Variants in RHOBTB1 observed in about 807,000 individuals in gnomAD.
The protein encoded by RHOBTB1 is Rho related BTB domain containing 1, also known as rho-related BTB domain-containing protein 1.
RHOBTB1 carries 40 observed loss-of-function variants against 71.6 expected under a neutral mutation model. That is an observed-to-expected ratio of 0.56 (90% CI 0.43 to 0.73). The LOEUF is 0.73. Ranked by LOEUF, RHOBTB1 falls within the 30% of genes least tolerant of loss-of-function variation. The probability of loss-of-function intolerance (pLI) is 0.00; values close to 1 mark genes in which losing one functional copy is unlikely to be tolerated. For missense variants in RHOBTB1, 797 were observed against 894.0 expected, an observed-to-expected ratio of 0.89 and a Z score of 1.38; for synonymous variants, 319 against 334.9, an observed-to-expected ratio of 0.95 and a Z score of 0.52.
intron 2 of RHOBTB1, among the ~76,000 whole-genome samples, chr10:60,938,187 T>C (rs1212870885): frequency 6.6e-6 from 1 of 152,242 alleles, no homozygotes; most frequent in Non-Finnish European, 1.5e-5. Context: ...AGGTTTCTCC[T>C]AGTACCCACC....
chr10:60,981,523 T>A (rs1024444078), intron 2 of RHOBTB1, among the ~76,000 whole-genome samples: 1 of 152,132 alleles, frequency 6.6e-6, no homozygotes, highest in African/African-American at 2.4e-5. Context: ...TAACCAAGAT[T>A]TTTTCCCCCT....
At chr10:60,946,583 C>G (rs1328537290), upstream of RHOBTB1, among the ~76,000 whole-genome samples, 1 of 152,158 alleles carries the variant, frequency 6.6e-6, no homozygotes, top group Non-Finnish European at 1.5e-5. Flanking sequence ...GCATTTGCAC[C>G]TGGGGTTGTC....
At chr10:60,915,444 GA>G (rs1036485033) in intron 2 of RHOBTB1, among the ~76,000 whole-genome samples, 33 of 146,242 alleles carry the variant, frequency 2.3e-4, no homozygotes, top group Admixed American at 1.2e-3. Flanking sequence ...AAGGTAGAAA[GA>G]AAAAAAAAAG....
chr10:60,922,879 T>C (rs577238898), intron 2 of RHOBTB1, among the ~76,000 whole-genome samples: 1 of 152,318 alleles, frequency 6.6e-6, no homozygotes, highest in Admixed American at 6.5e-5. Context: ...CTGGGGTTAA[T>C]CCAAGAAGGA....
At chr10:60,922,402 C>G (rs2083618460) in intron 2 of RHOBTB1, among the ~76,000 whole-genome samples, 1 of 152,142 alleles carries the variant, frequency 6.6e-6, no homozygotes, top group African/African-American at 2.4e-5. Flanking sequence ...TTGCAAGTAG[C>G]CTTAGTCTGT....
intron 7 of RHOBTB1, among the ~76,000 whole-genome samples, chr10:60,878,768 A>C (rs2081169476): frequency 6.6e-6 from 1 of 152,216 alleles, no homozygotes; most frequent in African/African-American, 2.4e-5. Flanking sequence ...GTAGTTGTCC[A>C]TATAAATGCA....
At chr10:60,928,797 C>CA (rs1278198530) in intron 2 of RHOBTB1, among the ~76,000 whole-genome samples, 2 of 151,706 alleles carry the variant, frequency 1.3e-5, no homozygotes, top group East Asian at 1.9e-4. Context: ...GTTTCTAACA[C>CA]AAAAAAATGA....
intron 5 of RHOBTB1, among the ~76,000 whole-genome samples, chr10:60,891,160 TA>T (rs1252165340): frequency 4.6e-5 from 7 of 152,098 alleles, no homozygotes; most frequent in Non-Finnish European, 1.5e-5. Context: ...AAACTGAATA[TA>T]AAGTGTTTTT....
At chr10:60,978,920 T>C (rs1410043783) in intron 2 of RHOBTB1, among the ~76,000 whole-genome samples, 1 of 152,252 alleles carries the variant, frequency 6.6e-6, no homozygotes, top group East Asian at 1.9e-4. Flanking sequence ...TAGAAATACC[T>C]CCTCTTCTTC....
intron 2 of RHOBTB1, among the ~76,000 whole-genome samples, chr10:60,928,217 T>C (rs1398198524): frequency 6.6e-6 from 1 of 152,134 alleles, no homozygotes; most frequent in Non-Finnish European, 1.5e-5. Context: ...AAGCTGTTGC[T>C]GAGAATGCAA....
intron 7 of RHOBTB1, among the ~76,000 whole-genome samples, chr10:60,880,128 G>A (rs111403545): frequency 0.01 from 1,585 of 151,130 alleles, 18 homozygotes; most frequent in Non-Finnish European, 0.018. Flanking sequence ...GGCTGTCTGA[G>A]TTGGGGGGGT....
chr10:60,955,235 G>T (rs926886384), intron 2 of RHOBTB1, among the ~76,000 whole-genome samples: 3 of 151,624 alleles, frequency 2.0e-5, no homozygotes, highest in Admixed American at 6.6e-5. Flanking sequence ...AGTAGATGGG[G>T]TTTCACCATG....
In RHOBTB1 at chr10:60,981,773, T is replaced by G. The variant is rs563586884; in HGVS notation, c.-62+4072A>C. 2.0e-5 allele frequency among the ~76,000 whole-genome samples: 3 copies of G among 152,206 alleles called. No homozygotes were observed. In the East Asian group the frequency reaches 5.8e-4, roughly 29 times the overall value. ...TTAACAGTCACTTGGTATTATAAGT[T>G]ACTTTTTTTTTTTAACACGGAGTTT... is the stretch of plus-strand genomic sequence containing the variant. On this transcript the variant is annotated intron_variant, in intron 2 of 11. Transcript: ENST00000357917.
intron 4 of RHOBTB1, among the ~76,000 whole-genome samples, chr10:60,906,648 A>G (rs573098104): frequency 6.6e-6 from 1 of 152,332 alleles, no homozygotes; most frequent in East Asian, 1.9e-4. Context: ...ACAAGAGTGA[A>G]GCAGGACAGG....
At chr10:60,893,347 A>G (rs2082013823) in intron 4 of RHOBTB1, among the ~76,000 whole-genome samples, 1 of 152,234 alleles carries the variant, frequency 6.6e-6, no homozygotes, top group Admixed American at 6.5e-5. Context: ...TAGTTTCAAG[A>G]GAAAAGAAAA....
intron 7 of RHOBTB1, among the ~76,000 whole-genome samples, chr10:60,882,992 C>T (rs551668903): frequency 4.6e-5 from 7 of 152,288 alleles, no homozygotes; most frequent in African/African-American, 1.7e-4. Flanking sequence ...CAAAGGTTTT[C>T]TTGTTATCCC....
intron 1 of RHOBTB1, among the ~76,000 whole-genome samples, chr10:60,995,604 A>G (rs1444679370): frequency 2.6e-5 from 4 of 152,214 alleles, no homozygotes; most frequent in African/African-American, 4.8e-5. Flanking sequence ...ACAATTTGAA[A>G]ATGTTTATTT....
intron 1 of RHOBTB1, among the ~76,000 whole-genome samples, chr10:60,987,863 T>C (rs1345533173): frequency 1.3e-5 from 2 of 150,246 alleles, no homozygotes; most frequent in African/African-American, 4.9e-5. Context: ...CTGACAAAAG[T>C]TGTTTCCTGC....
chr10:60,943,316 C>T (rs1565092986), intron 1 of RHOBTB1, among the ~76,000 whole-genome samples: 1 of 152,216 alleles, frequency 6.6e-6, no homozygotes, highest in Non-Finnish European at 1.5e-5. Flanking sequence ...TACATAGTTG[C>T]CTTCCACTTC....
Sources: allele counts gnomAD v4.1 joint callset (sites outside exome capture counted in the v4.1 genomes callset), GRCh38; gene constraint gnomAD v4.1.1; transcripts MANE v1.5; gene names NCBI Gene and HGNC (gene_info 2026-07-23, HGNC 2026-07-21).